TBX21: variants seen among roughly 807,000 people sequenced by gnomAD.
The protein encoded by TBX21 is T-box transcription factor 21.
Under a neutral mutation model 52.2 loss-of-function variants are expected in TBX21, and 11 were observed. The ratio of observed to expected loss-of-function variants is 0.21; its 90% confidence interval spans 0.13 to 0.35. TBX21 has a LOEUF of 0.35. Among genes scored for constraint, TBX21 ranks in the 10% least tolerant of loss-of-function variants. The probability of loss-of-function intolerance (pLI) is 1.00; values close to 1 mark genes in which losing one functional copy is unlikely to be tolerated. For missense variants in TBX21, 625 were observed against 755.1 expected (o/e 0.83, Z 2.02); for synonymous variants, 300 against 316.1 (o/e 0.95, Z 0.54).
intron 2 of TBX21, 25 bp from the exon 3 acceptor site, chr17:47,743,046 T>G (rs201616483): frequency 6.9e-5 from 112 of 1,613,180 alleles, no homozygotes; most frequent in Non-Finnish European, 9.2e-5. Flanking sequence ...GGGGGCTGCA[T>G]GTCAAAGAGG....
intron 5 of TBX21, 100 bp from the exon 6 acceptor site, chr17:47,744,648 C>A: frequency 6.2e-7 from 1 of 1,601,496 alleles, no homozygotes; most frequent in Non-Finnish European, 8.5e-7. Flanking sequence ...GGTGGGCAGG[C>A]CAGGGAAGGA....
rs1243496634 is a variant in TBX21 at position 47,742,152 on chromosome 17, CT to C, written c.492-457del. Among the ~76,000 whole-genome samples the C allele has an allele frequency of 6.6e-6, 1 of 151,840 alleles. No individual in the cohort carries two copies. Among genetic ancestry groups the C allele is most frequent in the African/African-American group, 2.4e-5 (1 of 41,308 alleles). On this transcript the variant is annotated intron_variant, in intron 1 of 5. Transcript: ENST00000177694. The surrounding 1 kb of genome is among the most constrained non-coding windows in gnomAD (Gnocchi z 4.4). ...TGGCGCGATCTCAGCTCACTGTAAC[CT>C]CTGCCTCCTGGGTTCAAGCCATTCT...
chr17:47,744,894 A>G lies in TBX21; in HGVS notation c.1136A>G (p.Asp379Gly). Residue 379 changes from aspartate to glycine, a missense_variant, in exon 6 of 6, where the codon GAT (aspartate) becomes GGT (glycine). Around this residue, in one of 4 missense-constraint regions of TBX21, gnomAD observed 261 missense variants for 275.1 expected, o/e 0.95. Transcript: ENST00000177694. ...CCCGACCTTCCTGGCCAGGCGAAGGATGTGGTTCCCCAGGCTTACTGGCTG... is the reference window on the plus strand; with the variant it reads ...CCCGACCTTCCTGGCCAGGCGAAGGGTGTGGTTCCCCAGGCTTACTGGCTG... ...FYPDLPGQAKDVVPQAYWLGA... is the reference protein window; with the variant it reads ...FYPDLPGQAKGVVPQAYWLGA... 6.2e-7 allele frequency: 1 copy of G among 1,614,156 alleles called. No individual in the cohort carries two copies. The highest frequency in any genetic ancestry group is 8.5e-7 in the Non-Finnish European group (1 of 1,180,018).
At position 47,733,696 on chromosome 17, in the gene TBX21, C is replaced by T. The variant is rs1363357614; in HGVS notation, c.242C>T (p.Pro81Leu). 7.7e-6 allele frequency: 11 copies of T among 1,421,460 alleles called. 1 individual carries two copies. In the South Asian group the frequency reaches 1.5e-4, roughly 19 times the overall value. 88.1% of individuals were successfully genotyped at this position (1,421,460 alleles called of 1,614,324 possible). Residue 81 changes from proline to leucine, a missense_variant, in exon 1 of 6, where the codon CCC (proline) becomes CTC (leucine). By Grantham distance (98) the Pro-to-Leu change is moderately conservative (BLOSUM62 -3). Coordinates refer to ENST00000177694, the MANE Select transcript of TBX21 (RefSeq NM_013351.2). This position sits in a 1 kb window ranked among gnomAD's most constrained non-coding sequence, Gnocchi z 6.6. ...GGAGCCTACGCCTACCCGCCGCGAC[C>T]CCAGGCGGCCGGCTTCCCCGGCGCG... ...FLGAYAYPPR[P>L]QAAGFPGAGE...
intron 1 of TBX21, among the ~76,000 whole-genome samples, chr17:47,739,012 C>T (rs1371294434): frequency 6.6e-6 from 1 of 151,428 alleles, no homozygotes. Flanking sequence ...CCAGGAGCTC[C>T]GAATCTGGGA....
At chr17:47,737,198 C>T (rs1429788381) in intron 1 of TBX21, among the ~76,000 whole-genome samples, 4 of 151,988 alleles carry the variant, frequency 2.6e-5, no homozygotes, top group Non-Finnish European at 5.9e-5. Flanking sequence ...CAGGCTTGTG[C>T]GAGGGTTTCT....
rs200552867 is a variant in TBX21, at chr17:47,744,177, G to C, written c.769-18G>C. 6.2e-7 allele frequency: 1 copy of C among 1,612,932 alleles called. No homozygotes were observed. Among genetic ancestry groups the C allele is most frequent in the East Asian group, 2.2e-5 (1 of 44,840 alleles). On this transcript the variant is annotated intron_variant, in intron 3 of 5. Transcript: ENST00000177694. ...ATCCTTCCTCCCCACCCCTACAACC[G>C]TCTTGCTCTGTCTACAGATGATTGT... is the stretch of plus-strand genomic sequence containing the variant.
intron 1 of TBX21, among the ~76,000 whole-genome samples, chr17:47,734,981 C>G (rs2032192153): frequency 6.6e-6 from 1 of 152,032 alleles, no homozygotes; most frequent in African/African-American, 2.4e-5. Flanking sequence ...GTTTAGTAAG[C>G]AACCCCCGGA....
At position 47,743,193 on chromosome 17, in the gene TBX21, G is replaced by A; in HGVS notation, c.768+1G>A. The A allele has an allele frequency of 6.2e-7, 1 of 1,614,034 alleles. No individual in the cohort carries two copies. ...GGGGGCGTCCAACAATGTGACCCAG[G>A]TAGGACCTGCTCTTCAAAAGGTAGC... is the stretch of plus-strand genomic sequence containing the variant. On this transcript the variant is annotated splice_donor_variant, in intron 3 of 5. Transcript: ENST00000177694. LOFTEE classifies it high-confidence loss of function.
Position 47,733,595 on chromosome 17 carries a change from G to T in TBX21, c.141G>T (p.Glu47Asp). The T allele has an allele frequency of 6.9e-7, 1 of 1,454,538 alleles. No homozygotes were observed. The highest frequency in any genetic ancestry group is 9.0e-7 in the Non-Finnish European group (1 of 1,111,806). 90.1% of individuals were successfully genotyped at this position (1,454,538 alleles called of 1,614,324 possible). A position where few individuals can be genotyped will look rare whatever the true frequency, so the allele number is the denominator to read the frequency against. Residue 47 changes from glutamate (E) to aspartate (D), a missense_variant, in exon 1 of 6, where the codon GAG becomes GAT. Transcript: ENST00000177694. The surrounding 1 kb of genome is among the most constrained non-coding windows in gnomAD (Gnocchi z 6.6). Reference protein sequence around the residue: ...YPEPGAQDADERRGGGSLGSP... With the variant: ...YPEPGAQDADDRRGGGSLGSP... ...AGCCGGGCGCGCAGGACGCGGACGA[G>T]CGTCGCGGGGGCGGCAGCCTGGGGT...
In TBX21 at chr17:47,742,098, T is replaced by G. The variant is rs2032272640; in HGVS notation, c.492-512T>G. Among the ~76,000 whole-genome samples the G allele has an allele frequency of 6.6e-6, 1 of 151,510 alleles. No homozygotes were observed. The highest frequency in any genetic ancestry group is 2.4e-5 in the African/African-American group (1 of 41,172). The stretch of plus-strand genomic sequence containing the variant: ...TTTTTTTTTTTTTTGAGATGGAGAC[T>G]TGCTCTTGTCATCCAGGCTGGAGGG... On this transcript the variant is annotated intron_variant, in intron 1 of 5. Transcript: ENST00000177694. The surrounding 1 kb of genome is among the most constrained non-coding windows in gnomAD (Gnocchi z 4.4).
intron 3 of TBX21, among the ~76,000 whole-genome samples, chr17:47,743,606 G>A (rs577239800): frequency 6.6e-6 from 1 of 151,894 alleles, no homozygotes; most frequent in South Asian, 2.1e-4. Flanking sequence ...TGCTGGCTGG[G>A]TGTGGTGGCT....
chr17:47,742,554 G>T lies in TBX21; in HGVS notation c.492-56G>T, dbSNP rs549387526. The T allele has an allele frequency of 7.3e-5, 112 of 1,524,560 alleles. No homozygotes were observed. Among genetic ancestry groups the T allele is most frequent in the South Asian group, 3.3e-4 (26 of 77,748 alleles). 94.4% of individuals were successfully genotyped at this position (1,524,560 alleles called of 1,614,324 possible). The stretch of plus-strand genomic sequence containing the variant: ...GATGCCTGGGCACTGTTGCAGGGGG[G>T]ACTGGCTGTCAAGCTGGAGCTGATG... On this transcript the variant is annotated intron_variant, in intron 1 of 5. Transcript: ENST00000177694. This position sits in a 1 kb window ranked among gnomAD's most constrained non-coding sequence, Gnocchi z 4.4.
At chr17:47,744,081 C>T in intron 3 of TBX21, 114 bp from the exon 4 acceptor site, 1 of 1,344,000 alleles carries the variant, frequency 7.4e-7, no homozygotes. Flanking sequence ...GGGGAATGGA[C>T]AGGATGACCT....
Position 47,733,659 on chromosome 17 carries a change from A to G in TBX21, c.205A>G (p.Ser69Gly). The stretch of plus-strand genomic sequence containing the variant: ...GGGCGCCTTGGTGCCCGCCCCGCCG[A>G]GCCGCTTCCTTGGAGCCTACGCCTA... ...PGGALVPAPP[S>G]RFLGAYAYPP... Residue 69 changes from serine to glycine, a missense_variant, in exon 1 of 6, where the codon AGC becomes GGC. Physicochemically the swap from Ser to Gly is moderately conservative, Grantham distance 56. Around this residue, in one of 4 missense-constraint regions of TBX21, gnomAD observed 221 missense variants for 204.9 expected, o/e 1.08. Transcript: ENST00000177694. This position sits in a 1 kb window ranked among gnomAD's most constrained non-coding sequence, Gnocchi z 6.6. 2 of 1,453,578 alleles carry G rather than the reference A, an allele frequency of 1.4e-6. No homozygotes were observed. The highest frequency in any genetic ancestry group is 1.8e-6 in the Non-Finnish European group (2 of 1,106,192). 90.0% of individuals were successfully genotyped at this position (1,453,578 alleles called of 1,614,324 possible). A position where few individuals can be genotyped will look rare whatever the true frequency, so the allele number is the denominator to read the frequency against.
rs770765717 is a variant in TBX21, at chr17:47,742,581, G to A, written c.492-29G>A. 4.4e-6 allele frequency: 7 copies of A among 1,579,376 alleles called. No individual in the cohort carries two copies. Among genetic ancestry groups the A allele is most frequent in the Non-Finnish European group, 6.0e-6 (7 of 1,159,294 alleles). On this transcript the variant is annotated intron_variant, in intron 1 of 5. Coordinates refer to ENST00000177694, the MANE Select transcript of TBX21 (RefSeq NM_013351.2). The surrounding 1 kb of genome is among the most constrained non-coding windows in gnomAD (Gnocchi z 4.4). ...CTGGCTGTCAAGCTGGAGCTGATGGGTGCTGGGGGCTTTCTCTCTTCTCTC... is the reference window on the plus strand; with the variant it reads ...CTGGCTGTCAAGCTGGAGCTGATGGATGCTGGGGGCTTTCTCTCTTCTCTC...
At chr17:47,737,103 A>G (rs940732937) in intron 1 of TBX21, among the ~76,000 whole-genome samples, 10 of 152,278 alleles carry the variant, frequency 6.6e-5, no homozygotes, top group Middle Eastern at 3.4e-3. Flanking sequence ...GGGAACTGAG[A>G]ACAAAACGGT....
At chr17:47,734,913 C>T (rs2143420880) in intron 1 of TBX21, among the ~76,000 whole-genome samples, 1 of 152,116 alleles carries the variant, frequency 6.6e-6, no homozygotes, top group South Asian at 2.1e-4. Flanking sequence ...GGTGCTGCTT[C>T]CGGATAGAGC....
chr17:47,739,880 G>T (rs1007476330), intron 1 of TBX21, among the ~76,000 whole-genome samples: 17 of 151,510 alleles, frequency 1.1e-4, no homozygotes, highest in African/African-American at 3.4e-4. Context: ...ACTCCAGCCT[G>T]GGGGACAGAG....
Sources: gnomAD v4.1 joint callset for allele counts (sites outside exome capture counted in the v4.1 genomes callset) on GRCh38, gnomAD v4.1.1 for gene constraint, gnomAD v4.1.1 regional missense constraint, Gnocchi (gnomAD v3.1) non-coding constraint, MANE v1.5 for transcripts, NCBI Gene and HGNC (gene_info 2026-07-23, HGNC 2026-07-21) for gene names.